The following SEC16A variants were observed in gnomAD, a reference collection of about 807,000 sequenced individuals.
SEC16A encodes the protein SEC16 homolog A, endoplasmic reticulum export factor, also known as protein transport protein Sec16A.
In SEC16A, 110 loss-of-function variants were observed where a neutral mutation model predicts 221.9. The observed-to-expected ratio is 0.50, with a 90% confidence interval of 0.42 to 0.58. SEC16A has a LOEUF of 0.58. Ranked by LOEUF, SEC16A falls within the 20% of genes least tolerant of loss-of-function variation. The pLI, the probability that SEC16A is intolerant of heterozygous loss-of-function variation, is 0.00. For synonymous variants in SEC16A, 1,393 were observed against 1,257.7 expected, an observed-to-expected ratio of 1.11 and a Z score of -2.28; for missense variants, 3,165 against 3,097.8, an observed-to-expected ratio of 1.02 and a Z score of -0.52.
intron 8 of SEC16A, 108 bp downstream of exon 8, chr9:136,465,837 TGGGTCAGAGCCAGGCCA>T: frequency 2.0e-6 from 2 of 981,656 alleles, no homozygotes; most frequent in Non-Finnish European, 2.9e-6. Flanking sequence ...AAGGACGGAT[TGGGTCAGAGCCAGGCCA>T]GGACATCACA....
intron 3 of SEC16A, 80 bp downstream of exon 3, chr9:136,473,969 T>C (rs1841256496): frequency 1.4e-6 from 2 of 1,444,632 alleles, no homozygotes; most frequent in Admixed American, 2.1e-5. Flanking sequence ...CAAACACTAC[T>C]AAGGAATACA....
intron 3 of SEC16A, among the ~76,000 whole-genome samples, 155 bp downstream of exon 3, chr9:136,473,894 G>A (rs1224115312): frequency 1.3e-5 from 2 of 152,266 alleles, no homozygotes; most frequent in African/African-American, 4.8e-5. Context: ...CCTGTCCTCA[G>A]GAAGCGTTAC....
At position 136,477,454 on chromosome 9, in the gene SEC16A, T is replaced by C. The variant is rs748857340; in HGVS notation, c.162A>G (p.Pro54=). Residue 54 remains proline (P), a synonymous_variant, in exon 3 of 32, where the codon CCA becomes CCG. Transcript: ENST00000684901. ...GGAGCGCCTGTCTACTAAAAGCAAA[T>C]GGATCCGTGACCGGCTGCAACGGGC... ...TTCPLQPVTD[P]FAFSRQALQS... is the part of the protein sequence containing the mutation. 4 of 1,613,998 alleles carry C rather than the reference T, an allele frequency of 2.5e-6. No homozygotes were observed. The highest frequency in any genetic ancestry group is 1.7e-5 in the Admixed American group (1 of 60,030).
At chr9:136,465,643 CCTG>C (rs1462413829) in intron 8 of SEC16A, among the ~76,000 whole-genome samples, 1 of 152,248 alleles carries the variant, frequency 6.6e-6, no homozygotes, top group Non-Finnish European at 1.5e-5. Context: ...CTCCTGCACG[CCTG>C]CTGAGCCACG....
intron 1 of SEC16A, among the ~76,000 whole-genome samples, chr9:136,481,549 C>T (rs1486942231): frequency 6.6e-6 from 1 of 152,188 alleles, no homozygotes; most frequent in Non-Finnish European, 1.5e-5. Flanking sequence ...GTTAAACTGC[C>T]TTGTAACCAT....
chr9:136,449,144 C>T (rs1837443229), intron 23 of SEC16A, among the ~76,000 whole-genome samples: 1 of 152,234 alleles, frequency 6.6e-6, no homozygotes, highest in African/African-American at 2.4e-5. Flanking sequence ...GGCGGGCTGT[C>T]CAAGTCAGTG....
chr9:136,464,753 A>C (rs1342513261), intron 8 of SEC16A, among the ~76,000 whole-genome samples, 191 bp from the exon 9 acceptor site: 1 of 152,196 alleles, frequency 6.6e-6, no homozygotes, highest in Non-Finnish European at 1.5e-5. Flanking sequence ...GAAAAGAAAA[A>C]TGTCTGAATC....
At position 136,475,430 on chromosome 9, in the gene SEC16A, C is replaced by T. The variant is rs755618295; in HGVS notation, c.2186G>A (p.Ser729Asn). ...ESPATTLWAQSELPDFGGNVL... is the reference protein window; with the variant it reads ...ESPATTLWAQNELPDFGGNVL... ...GTTGCCTCCAAAATCTGGCAGCTCACTTTGCGCCCACAGAGTCGTTGCTGG... is the reference window on the plus strand; with the variant it reads ...GTTGCCTCCAAAATCTGGCAGCTCATTTTGCGCCCACAGAGTCGTTGCTGG... Residue 729 changes from serine (S) to asparagine (N), a missense_variant, in exon 3 of 32, where the codon AGT becomes AAT. Physicochemically the swap from Ser to Asn is conservative, Grantham distance 46 (BLOSUM62 1). Around this residue, in one of 3 missense-constraint regions of SEC16A, gnomAD observed 2,030 missense variants for 1,923.1 expected, o/e 1.06. Coordinates refer to ENST00000684901, the MANE Select transcript of SEC16A (RefSeq NM_014866.2). This position sits in a 1 kb window ranked among gnomAD's most constrained non-coding sequence, Gnocchi z 5.0. 2.5e-6 allele frequency: 4 copies of T among 1,610,978 alleles called. No homozygotes were observed. The highest frequency in any genetic ancestry group is 3.4e-6 in the Non-Finnish European group (4 of 1,177,982).
Position 136,466,363 on chromosome 9 carries a change from C to A in SEC16A, c.4029G>T (p.Val1343=). The change falls in exon 7 of 32, where the codon GTG becomes GTT. Residue 1343 remains valine, a synonymous_variant. Transcript: ENST00000684901. This position sits in a 1 kb window ranked among gnomAD's most constrained non-coding sequence, Gnocchi z 5.5. ...GCTCGCTGTGGACGCTGCGCCGGTC[C>A]ACCTCTTCCCCATAAGGGTCTCTGT... ...DPHRDPYGEE[V]DRRSVHSEHS... 1 of 1,593,100 alleles carries A rather than the reference C, an allele frequency of 6.3e-7. No individual in the cohort carries two copies. Among genetic ancestry groups the A allele is most frequent in the African/African-American group, 1.3e-5 (1 of 74,518 alleles).
rs1253097262 is a variant in SEC16A, at chr9:136,474,818, A to G, written c.2798T>C (p.Val933Ala). ...NLLVQPPSQP[V>A]PENLVPESQK... ...ACTTTCTGGAACCAAGTTCTCTGGA[A>G]CTGGCTGGGATGGTGGTTGAACCAG... The change falls in exon 3 of 32, where the codon GTT becomes GCT. Residue 933 changes from valine (V) to alanine (A), a missense_variant. Val to Ala is a moderately conservative substitution (Grantham distance 64, BLOSUM62 0). Around this residue, in one of 3 missense-constraint regions of SEC16A, gnomAD observed 2,030 missense variants for 1,923.1 expected, o/e 1.06. Transcript: ENST00000684901. The G allele has an allele frequency of 1.9e-6, 3 of 1,613,860 alleles. No homozygotes were observed. In the African/African-American group the frequency reaches 4.0e-5, roughly 22 times the overall value.
At chr9:136,456,853 C>G (rs1008390367) in intron 18 of SEC16A, among the ~76,000 whole-genome samples, 2 of 152,218 alleles carry the variant, frequency 1.3e-5, no homozygotes, top group African/African-American at 4.8e-5. Context: ...CTATCAACCA[C>G]CAGACTAAAT....
chr9:136,454,471 C>T, intron 20 of SEC16A, 144 bp from the exon 21 acceptor site: 2 of 798,238 alleles, frequency 2.5e-6, no homozygotes, highest in East Asian at 5.3e-5. Flanking sequence ...GAGCAGAAAG[C>T]CTGAAGCCAC....
chr9:136,467,055 G>A lies in SEC16A; in HGVS notation c.3831C>T (p.Tyr1277=), dbSNP rs563440240. 6 of 1,613,832 alleles carry A rather than the reference G, an allele frequency of 3.7e-6. No homozygotes were observed. Among genetic ancestry groups the A allele is most frequent in the East Asian group, 2.2e-5 (1 of 44,886 alleles). ...GDPGHWDRYH[Y]SARVRDPRTY... ...TGCGGGGGTCCCTGACTCTAGCACTGTAGTGGTAACGATCCCAGTGACCTG... is the reference window on the plus strand; with the variant it reads ...TGCGGGGGTCCCTGACTCTAGCACTATAGTGGTAACGATCCCAGTGACCTG... Residue 1277 remains tyrosine, a synonymous_variant, in exon 6 of 32, where the codon TAC becomes TAT. Transcript: ENST00000684901.
rs761904870 is a variant in SEC16A, at chr9:136,457,492, C to T, written c.5502G>A (p.Leu1834=). The T allele has an allele frequency of 1.9e-6, 3 of 1,609,074 alleles. No homozygotes were observed. The highest frequency in any genetic ancestry group is 2.5e-6 in the Non-Finnish European group (3 of 1,177,774). Residue 1834 remains leucine (L), a synonymous_variant, in exon 18 of 32, where the codon CTG becomes CTA. Coordinates refer to ENST00000684901, the MANE Select transcript of SEC16A (RefSeq NM_014866.2). ...HYCEAIAKSI[L]TQPHLYSPVL... ...CCGGGGAATACAGGTGCGGCTGCGT[C>T]AGGATGCTCTTCGCGATGGCCTCAC...
chr9:136,453,014 G>A (rs1838071603), intron 22 of SEC16A, among the ~76,000 whole-genome samples: 2 of 148,468 alleles, frequency 1.3e-5, no homozygotes, highest in Non-Finnish European at 1.5e-5. Context: ...AGGTTGCAGT[G>A]AGCCGAGATC....
At chr9:136,481,802 T>C (rs530417190) in intron 1 of SEC16A, among the ~76,000 whole-genome samples, 22 of 152,178 alleles carry the variant, frequency 1.4e-4, no homozygotes, top group South Asian at 6.2e-4. Context: ...CTCCAACTCT[T>C]CTAAGTTAGA....
rs766516904 is a variant in SEC16A at position 136,475,299 on chromosome 9, G to A, written c.2317C>T (p.Pro773Ser). ...CTCTGCACCGGGGCCGCCGAGCTTG[G>A]GTTCCGTGACTGCTGCCCGGACATC... ...EAMSGQQSRN[P>S]SSAAPVQSRG... Residue 773 changes from proline (P) to serine (S), a missense_variant, in exon 3 of 32, where the codon CCA becomes TCA. Around this residue, in one of 3 missense-constraint regions of SEC16A, gnomAD observed 2,030 missense variants for 1,923.1 expected, o/e 1.06. Transcript: ENST00000684901. This position sits in a 1 kb window ranked among gnomAD's most constrained non-coding sequence, Gnocchi z 5.0. 2 of 1,613,332 alleles carry A rather than the reference G, an allele frequency of 1.2e-6. No individual in the cohort carries two copies. Among genetic ancestry groups the A allele is most frequent in the Non-Finnish European group, 1.7e-6 (2 of 1,179,678 alleles).
intron 31 of SEC16A, 149 bp downstream of exon 31, chr9:136,443,674 C>CAAG (rs1836523592): frequency 1.7e-6 from 1 of 579,774 alleles, no homozygotes; most frequent in Non-Finnish European, 3.0e-6. Context: ...GGCAACAGAG[C>CAAG]AAGACCCTGT....
Position 136,447,338 on chromosome 9 carries a change from C to T in SEC16A, c.6586G>A (p.Val2196Ile), listed in dbSNP as rs1190841856. 10 of 1,598,288 alleles carry T rather than the reference C, an allele frequency of 6.3e-6. No homozygotes were observed. The highest frequency in any genetic ancestry group is 1.7e-5 in the Admixed American group (1 of 57,208). ...CGCTGGGTCCCGCTTGGGTTCAGGACGTCAACGTAGCGAGCTCTGGTTCCT... is the reference window on the plus strand; with the variant it reads ...CGCTGGGTCCCGCTTGGGTTCAGGATGTCAACGTAGCGAGCTCTGGTTCCT... ...AAGTRARYVD[V>I]LNPSGTQRSE... Residue 2196 changes from valine (V) to isoleucine (I), a missense_variant, in exon 27 of 32, where the codon GTC (valine) becomes ATC (isoleucine). Physicochemically the swap from Val to Ile is conservative, Grantham distance 29. This residue lies in a region of SEC16A where 1,088 missense variants were observed against 1,089.6 expected (regional missense o/e 1.00). Coordinates refer to ENST00000684901, the MANE Select transcript of SEC16A (RefSeq NM_014866.2). The surrounding 1 kb of genome is among the most constrained non-coding windows in gnomAD (Gnocchi z 5.5).
Sources: allele counts gnomAD v4.1 joint callset (sites outside exome capture counted in the v4.1 genomes callset), GRCh38; gene constraint gnomAD v4.1.1; regional missense constraint gnomAD v4.1.1; non-coding constraint Gnocchi (gnomAD v3.1); transcripts MANE v1.5; gene names NCBI Gene and HGNC (gene_info 2026-07-23, HGNC 2026-07-21).